The following PDE8B variants were observed in gnomAD, a reference collection of about 807,000 sequenced individuals.
PDE8B encodes high affinity cAMP-specific and IBMX-insensitive 3',5'-cyclic phosphodiesterase 8B.
In PDE8B, 26 loss-of-function variants were observed where a neutral mutation model predicts 101.3. The observed-to-expected ratio is 0.26, with a 90% CI of 0.19 to 0.36. The LOEUF (loss-of-function observed/expected upper bound fraction) is 0.36. PDE8B is among the 10% of genes least tolerant of loss of function. PDE8B has a pLI of 1.00. For synonymous variants in PDE8B, 424 were observed against 429.3 expected (o/e 0.99, Z 0.15); for missense variants, 810 against 1,163.1 (o/e 0.70, Z 4.42).
intron 10 of PDE8B, among the ~76,000 whole-genome samples, chr5:77,388,121 G>A (rs1789124627): frequency 6.6e-6 from 1 of 152,054 alleles, no homozygotes; most frequent in Admixed American, 6.6e-5. Flanking sequence ...TTCCCTTGCT[G>A]GCAAGGAGTT....
chr5:77,156,774 T>C, the PDE8B span, among the ~76,000 whole-genome samples: 1 of 152,050 alleles, frequency 6.6e-6, no homozygotes, highest in Non-Finnish European at 1.5e-5. Context: ...GTTCACCCAC[T>C]TTCTGGGTAG....
intron 4 of PDE8B, 179 bp from the exon 5 acceptor site, chr5:77,331,223 C>G (rs1437821972): frequency 2.8e-6 from 2 of 723,192 alleles, no homozygotes; most frequent in African/African-American, 3.5e-5. Flanking sequence ...CTTTTTGCAT[C>G]TGGAAGGTAG....
chr5:77,390,647 A>G (rs1031253441), intron 10 of PDE8B, among the ~76,000 whole-genome samples: 4 of 152,218 alleles, frequency 2.6e-5, no homozygotes, highest in Admixed American at 6.5e-5. Context: ...AAACCTTTTG[A>G]TAAGAGATAC....
At chr5:77,351,971 A>G (rs762336412) in intron 9 of PDE8B, among the ~76,000 whole-genome samples, 106 of 152,264 alleles carry the variant, frequency 7.0e-4, no homozygotes, top group Middle Eastern at 3.2e-3. Flanking sequence ...GAGATGTTTC[A>G]TAAAATCAGC....
At chr5:77,386,372 T>C (rs1262841725) in intron 10 of PDE8B, among the ~76,000 whole-genome samples, 4 of 152,138 alleles carry the variant, frequency 2.6e-5, no homozygotes, top group Non-Finnish European at 5.9e-5. Context: ...ATATTGACAG[T>C]GGGGCGTTAA....
At chr5:77,296,158 ATCATCT>A (rs1768509712) in intron 1 of PDE8B, among the ~76,000 whole-genome samples, 1 of 144,816 alleles carries the variant, frequency 6.9e-6, no homozygotes, top group Non-Finnish European at 1.6e-5. Flanking sequence ...CCTCTTCTTC[ATCATCT>A]TCTTCTTTTT....
the PDE8B span, among the ~76,000 whole-genome samples, chr5:77,177,729 TACTCA>T: frequency 1.3e-5 from 2 of 152,212 alleles, no homozygotes; most frequent in African/African-American, 4.8e-5. Flanking sequence ...CCAAGGTGTC[TACTCA>T]GTGACTCACG....
the PDE8B span, among the ~76,000 whole-genome samples, chr5:77,122,328 T>C: frequency 6.6e-6 from 1 of 152,244 alleles, no homozygotes; most frequent in African/African-American, 2.4e-5. Flanking sequence ...CTCTTCATGG[T>C]AATCAGAGTC....
chr5:77,097,726 T>TATATATAC, the PDE8B span, among the ~76,000 whole-genome samples: 1 of 58,898 alleles, frequency 1.7e-5, no homozygotes, highest in African/African-American at 4.0e-5. Context: ...TATATATATA[T>TATATATAC]ATATATACAT....
intron 10 of PDE8B, among the ~76,000 whole-genome samples, chr5:77,392,606 A>G (rs1440847553): frequency 1.3e-5 from 2 of 152,222 alleles, no homozygotes; most frequent in African/African-American, 4.8e-5. Context: ...CCTTCTCAGA[A>G]CTGAGGTTAT....
At chr5:77,181,180 G>A in the PDE8B span, among the ~76,000 whole-genome samples, 3 of 148,968 alleles carry the variant, frequency 2.0e-5, no homozygotes, top group East Asian at 6.1e-4. Context: ...TAAACCACCC[G>A]CCTCATCCCC....
the PDE8B span, chr5:77,148,087 G>A: frequency 3.9e-5 from 6 of 152,134 alleles, no homozygotes; most frequent in Non-Finnish European, 7.4e-5. Context: ...ACTTACACAG[G>A]TACCAAGACA....
At chr5:77,234,678 C>T (rs1031067536) in intron 1 of PDE8B, among the ~76,000 whole-genome samples, 24 of 152,154 alleles carry the variant, frequency 1.6e-4, no homozygotes, top group African/African-American at 5.6e-4. Context: ...TGACCTTTAT[C>T]CTCTCTCCTC....
intron 17 of PDE8B, among the ~76,000 whole-genome samples, chr5:77,415,627 G>A (rs1795382761): frequency 6.6e-6 from 1 of 152,056 alleles, no homozygotes; most frequent in Admixed American, 6.6e-5. Flanking sequence ...CCAAACTGCT[G>A]GGATTACAGG....
At chr5:77,370,193 A>G (rs2150669914) in intron 10 of PDE8B, among the ~76,000 whole-genome samples, 1 of 152,214 alleles carries the variant, frequency 6.6e-6, no homozygotes, top group East Asian at 1.9e-4. Context: ...AAATGCACAA[A>G]TGGTAAGTGT....
chr5:77,219,428 A>T (rs1750592036), intron 1 of PDE8B, among the ~76,000 whole-genome samples: 1 of 152,182 alleles, frequency 6.6e-6, no homozygotes, highest in African/African-American at 2.4e-5. Flanking sequence ...TGCATGAGAG[A>T]TTTTAAAGCA....
Position 77,237,317 on chromosome 5 carries a change from C to T in PDE8B, c.339+26053C>T, listed in dbSNP as rs555203475. On this transcript the variant is annotated intron_variant, in intron 1 of 21. Coordinates refer to ENST00000264917, the MANE Select transcript of PDE8B (RefSeq NM_003719.5). Reference sequence around the variant, plus strand: ...TCCCCTGTTTTTCATTCCTCTGTTCCATCTTTTCTGCTTTTTCTGGTTTAT... The same window carrying T: ...TCCCCTGTTTTTCATTCCTCTGTTCTATCTTTTCTGCTTTTTCTGGTTTAT... Among the ~76,000 whole-genome samples the T allele has an allele frequency of 1.1e-4, 16 of 151,990 alleles. No homozygotes were observed. The South Asian group carries it at 3.1e-3, about 30-fold the overall frequency.
the PDE8B span, among the ~76,000 whole-genome samples, chr5:77,115,639 C>T: frequency 1.3e-5 from 2 of 152,138 alleles, no homozygotes; most frequent in Non-Finnish European, 2.9e-5. Context: ...AAGAAAGAAC[C>T]TGAAGGACCT....
chr5:77,374,648 C>G (rs1344233271), intron 10 of PDE8B, among the ~76,000 whole-genome samples: 1 of 152,128 alleles, frequency 6.6e-6, no homozygotes, highest in Admixed American at 6.5e-5. Context: ...TACCACCTTC[C>G]CTTTTATCCT....
Sources: allele counts gnomAD v4.1 joint callset (sites outside exome capture counted in the v4.1 genomes callset), GRCh38; gene constraint gnomAD v4.1.1; transcripts MANE v1.5; gene names NCBI Gene and HGNC (gene_info 2026-07-23, HGNC 2026-07-21).